The following CPLX1 variants were observed in gnomAD, a reference collection of about 807,000 sequenced individuals.
The protein encoded by CPLX1 is complexin 1, also known as complexin-1.
Under a neutral mutation model 15.6 loss-of-function variants are expected in CPLX1, and 6 were observed. That is an observed-to-expected ratio of 0.39 (90% CI 0.21 to 0.76). CPLX1 has a LOEUF of 0.76. Among genes scored for constraint, CPLX1 ranks in the 30% least tolerant of loss-of-function variants. The pLI is 0.43. For missense variants in CPLX1, 242 were observed against 188.6 expected (o/e 1.28, Z -1.66); for synonymous variants, 91 against 75.2 (o/e 1.21, Z -1.08).
rs573107948 is a variant in CPLX1, at chr4:786,500, G to T, written c.*1C>A. ...CCGCGGGGCCGCTGTCCCGCGCGCG[G>T]CTACTTCTTGAGCATGTCCTGCAGC... On this transcript the variant is annotated 3_prime_UTR_variant, in exon 4 of 4. Coordinates refer to ENST00000304062, the MANE Select transcript of CPLX1 (RefSeq NM_006651.4). The T allele has an allele frequency of 1.4e-3, 2,233 of 1,572,656 alleles. 2 individuals are homozygous for T. The highest frequency in any genetic ancestry group is 1.8e-3 in the Non-Finnish European group (2,108 of 1,157,814).
At chr4:813,314 T>A (rs1746696435) in intron 2 of CPLX1, among the ~76,000 whole-genome samples, 3 of 141,176 alleles carry the variant, frequency 2.1e-5, no homozygotes, top group South Asian at 2.4e-4. Context: ...TTCACAAGAA[T>A]AACACAACAA....
At chr4:787,684 G>T in intron 3 of CPLX1, 1 of 985,114 alleles carries the variant, frequency 1.0e-6, no homozygotes, top group African/African-American at 1.7e-5. Context: ...GAGGGAGTGT[G>T]GGATTTTGTT....
chr4:793,965 G>A (rs534827889), intron 2 of CPLX1, among the ~76,000 whole-genome samples: 1 of 152,362 alleles, frequency 6.6e-6, no homozygotes, highest in South Asian at 2.1e-4. Context: ...CGTTTCTGTG[G>A]ATTCAGCAGC....
At chr4:813,661 A>G (rs1746700696) in intron 2 of CPLX1, among the ~76,000 whole-genome samples, 2 of 152,222 alleles carry the variant, frequency 1.3e-5, no homozygotes, top group South Asian at 2.1e-4. Context: ...CAGAGAGTTC[A>G]TGGAATATCT....
chr4:822,926 GC>G (rs1189358873), intron 2 of CPLX1, among the ~76,000 whole-genome samples: 1 of 152,132 alleles, frequency 6.6e-6, no homozygotes. Context: ...TCAGCGTGGA[GC>G]CCCCCCAGGG....
intron 3 of CPLX1, among the ~76,000 whole-genome samples, chr4:788,853 C>G (rs192153615): frequency 1.3e-5 from 2 of 152,328 alleles, no homozygotes; most frequent in Admixed American, 6.5e-5. Context: ...AGCAAAAGCA[C>G]TCAGGAACAT....
At chr4:823,645 A>G (rs1439086372) in intron 2 of CPLX1, among the ~76,000 whole-genome samples, 1 of 152,146 alleles carries the variant, frequency 6.6e-6, no homozygotes. Context: ...TCTGGGCAAA[A>G]CTGAGACTCG....
intron 2 of CPLX1, among the ~76,000 whole-genome samples, chr4:807,173 A>C (rs767093689): frequency 6.6e-6 from 1 of 152,252 alleles, no homozygotes; most frequent in Non-Finnish European, 1.5e-5. Flanking sequence ...TGTCCTTTGC[A>C]GGGATAGGAA....
chr4:798,742 G>T (rs1042902553), intron 2 of CPLX1, among the ~76,000 whole-genome samples: 13 of 152,108 alleles, frequency 8.5e-5, no homozygotes, highest in African/African-American at 2.9e-4. Context: ...ATATCCATGT[G>T]CAAAATAAAC....
chr4:818,697 G>A (rs1746806640), intron 2 of CPLX1, among the ~76,000 whole-genome samples: 1 of 152,288 alleles, frequency 6.6e-6, no homozygotes. Context: ...ACCGGCGGCT[G>A]CGCCATCTGC....
rs746939470 is a variant in CPLX1, at chr4:792,655, G to A, written c.32-47C>T. 19 of 1,565,970 alleles carry A rather than the reference G, an allele frequency of 1.2e-5. No homozygotes were observed. In the African/African-American group the frequency reaches 2.6e-4, roughly 22 times the overall value. On this transcript the variant is annotated intron_variant, in intron 2 of 3. Coordinates refer to ENST00000304062, the MANE Select transcript of CPLX1 (RefSeq NM_006651.4). ...CAGACCGCCCCATTCAGATGTCCAG[G>A]GCCGGGCTAGTGTCTCAGCCACACT...
At chr4:786,971 G>A (rs1048740256) in intron 3 of CPLX1, 3 of 985,194 alleles carry the variant, frequency 3.0e-6, no homozygotes, top group African/African-American at 1.7e-5. Flanking sequence ...AGAGAGGGCT[G>A]TGGCCCCACC....
At chr4:817,213 A>C (rs1270478613) in intron 2 of CPLX1, among the ~76,000 whole-genome samples, 1 of 151,264 alleles carries the variant, frequency 6.6e-6, no homozygotes, top group Non-Finnish European at 1.5e-5. Context: ...AGAAACGTTA[A>C]GCAAGGCTCA....
chr4:801,760 T>C (rs1746464863), intron 2 of CPLX1, among the ~76,000 whole-genome samples: 1 of 152,230 alleles, frequency 6.6e-6, no homozygotes, highest in Non-Finnish European at 1.5e-5. Flanking sequence ...CGTTACATGA[T>C]GCATGACTGC....
chr4:793,081 G>A lies in CPLX1; in HGVS notation c.32-473C>T, dbSNP rs374039995. Among the ~76,000 whole-genome samples, 5 of 152,206 alleles carry A rather than the reference G, an allele frequency of 3.3e-5. No homozygotes were observed. In the East Asian group the frequency reaches 5.8e-4, roughly 18 times the overall value. On this transcript the variant is annotated intron_variant, in intron 2 of 3. Coordinates refer to ENST00000304062, the MANE Select transcript of CPLX1 (RefSeq NM_006651.4). ...ATGCGGTTGTGTGATCAGGCTTGTC[G>A]TCTTGTGGTTGCGCGTGCAGTTGTG...
Position 785,144 on chromosome 4 carries a change from C to A in CPLX1, c.*1357G>T, listed in dbSNP as rs1745940635. ...CAGGTTCTACGAGAGGACGCCCTGT[C>A]TGCTCAGAGCTGGCTTTGTAAGGTG... On this transcript the variant is annotated 3_prime_UTR_variant, in exon 4 of 4. Coordinates refer to ENST00000304062, the MANE Select transcript of CPLX1 (RefSeq NM_006651.4). 6.6e-6 allele frequency: 1 copy of A among 152,250 alleles called. No homozygotes were observed. Among genetic ancestry groups the A allele is most frequent in the Non-Finnish European group, 1.5e-5 (1 of 68,056 alleles). 9.4% of individuals were successfully genotyped at this position (152,250 alleles called of 1,614,324 possible).
chr4:795,089 C>T (rs1239211234), intron 2 of CPLX1, among the ~76,000 whole-genome samples: 1 of 152,238 alleles, frequency 6.6e-6, no homozygotes, highest in East Asian at 1.9e-4. Flanking sequence ...CAGAGGGACC[C>T]GCCGCGAACC....
At chr4:820,377 A>C (rs572141864) in intron 2 of CPLX1, among the ~76,000 whole-genome samples, 1 of 152,362 alleles carries the variant, frequency 6.6e-6, no homozygotes, top group African/African-American at 2.4e-5. Context: ...TAAACAGAGA[A>C]GGCTGAGCTT....
intron 2 of CPLX1, among the ~76,000 whole-genome samples, chr4:821,384 T>C (rs1746859908): frequency 6.6e-6 from 1 of 152,046 alleles, no homozygotes; most frequent in Non-Finnish European, 1.5e-5. Context: ...CGCACATGCA[T>C]CCTCCAAGCC....
Sources: gnomAD v4.1 joint callset for allele counts (sites outside exome capture counted in the v4.1 genomes callset) on GRCh38, gnomAD v4.1.1 for gene constraint, MANE v1.5 for transcripts, NCBI Gene and HGNC (gene_info 2026-07-23, HGNC 2026-07-21) for gene names.